RBFOX1: variants seen among roughly 807,000 people sequenced by gnomAD.
The protein encoded by RBFOX1 is RNA binding fox-1 homolog 1, also known as RNA binding protein fox-1 homolog 1.
In RBFOX1, 8 loss-of-function variants were observed where a neutral mutation model predicts 57.7. The ratio of observed to expected loss-of-function variants is 0.14; its 90% CI spans 0.08 to 0.25. The LOEUF is 0.25. RBFOX1 is among the 10% of genes least tolerant of loss of function. The pLI is 1.00. For missense variants in RBFOX1, 611 were observed against 548.5 expected, an observed-to-expected ratio of 1.11 and a Z score of -1.14; for synonymous variants, 326 against 222.4, an observed-to-expected ratio of 1.47 and a Z score of -4.15.
At chr16:6,866,619 G>C (rs2059972635) in intron 3 of RBFOX1, among the ~76,000 whole-genome samples, 1 of 134,050 alleles carries the variant, frequency 7.5e-6, no homozygotes, top group Middle Eastern at 5.0e-3. Flanking sequence ...TCGGCTCACT[G>C]CAAGCTCCGC....
chr16:7,220,772 G>C (rs1053654870), intron 4 of RBFOX1, among the ~76,000 whole-genome samples: 1 of 152,122 alleles, frequency 6.6e-6, no homozygotes, highest in African/African-American at 2.4e-5. Context: ...TGACCTATCA[G>C]GGCTGGCCGT....
At chr16:5,897,777 A>G (rs889535694) in intron 4 of RBFOX1, among the ~76,000 whole-genome samples, 8 of 151,396 alleles carry the variant, frequency 5.3e-5, no homozygotes, top group African/African-American at 1.7e-4. Flanking sequence ...CACATGTAAG[A>G]GCATCTCTCA....
At chr16:5,821,072 C>G (rs1472063982) in intron 3 of RBFOX1, among the ~76,000 whole-genome samples, 1 of 152,102 alleles carries the variant, frequency 6.6e-6, no homozygotes, top group Non-Finnish European at 1.5e-5. Context: ...CCCTGAGGTG[C>G]TCCTACCAGG....
intron 4 of RBFOX1, among the ~76,000 whole-genome samples, chr16:5,970,355 C>T (rs144397626): frequency 9.3e-4 from 141 of 151,992 alleles, no homozygotes; most frequent in African/African-American, 3.2e-3. Context: ...ATATTAAACA[C>T]GTGTTTCTGG....
intron 3 of RBFOX1, among the ~76,000 whole-genome samples, chr16:6,939,054 T>G (rs1034311934): frequency 1.3e-5 from 2 of 152,194 alleles, no homozygotes; most frequent in African/African-American, 4.8e-5. Flanking sequence ...GGAATATCAA[T>G]GCTACCATGG....
At chr16:7,182,998 C>A (rs769392135) in intron 4 of RBFOX1, among the ~76,000 whole-genome samples, 23 of 152,146 alleles carry the variant, frequency 1.5e-4, no homozygotes, top group Non-Finnish European at 2.5e-4. Context: ...AGAGCTAAGC[C>A]TTATTTAGAA....
intron 3 of RBFOX1, among the ~76,000 whole-genome samples, chr16:6,676,024 G>C (rs539056160): frequency 1.3e-5 from 2 of 152,172 alleles, no homozygotes; most frequent in African/African-American, 4.8e-5. Context: ...AAAAGGAAAA[G>C]AGGTCCTCAA....
At position 7,114,000 on chromosome 16, in the gene RBFOX1, A is replaced by G. The variant is rs1203727391; in HGVS notation, c.27+61902A>G. Reference sequence around the variant, plus strand: ...TGCATCGTGAGTGCTTAGTGAATTTATAATTATTTGATCAATAATGAATGT... The same window carrying G: ...TGCATCGTGAGTGCTTAGTGAATTTGTAATTATTTGATCAATAATGAATGT... On this transcript the variant is annotated intron_variant, in intron 4 of 15. Coordinates refer to ENST00000550418, the MANE Select transcript of RBFOX1 (RefSeq NM_018723.4). Among the ~76,000 whole-genome samples the G allele has an allele frequency of 2.0e-5, 3 of 152,328 alleles. No individual in the cohort carries two copies. In the South Asian group the frequency reaches 6.2e-4, roughly 32 times the overall value.
chr16:6,663,705 A>G (rs1045777937), intron 3 of RBFOX1, among the ~76,000 whole-genome samples: 1 of 152,242 alleles, frequency 6.6e-6, no homozygotes, highest in Non-Finnish European at 1.5e-5. Context: ...GCCGTTAGGC[A>G]TATACATTAA....
chr16:7,304,496 C>G lies in RBFOX1; in HGVS notation c.28-213651C>G, dbSNP rs554113619. 6.1e-6 allele frequency: 6 copies of G among 985,286 alleles called. No homozygotes were observed. The African/African-American group carries it at 8.7e-5, about 14-fold the overall frequency. 61.0% of individuals were successfully genotyped at this position (985,286 alleles called of 1,614,324 possible). A position where few individuals can be genotyped will look rare whatever the true frequency, so the allele number is the denominator to read the frequency against. On this transcript the variant is annotated intron_variant, in intron 4 of 15. Transcript: ENST00000550418. Reference sequence around the variant, plus strand: ...ATGTACTTACAGCAGGTAAGGCGCGCGTCTGCCCTCGGTGGCTGCTTTCCT... The same window carrying G: ...ATGTACTTACAGCAGGTAAGGCGCGGGTCTGCCCTCGGTGGCTGCTTTCCT...
chr16:6,543,513 T>G (rs980736812), intron 2 of RBFOX1, among the ~76,000 whole-genome samples: 3 of 152,186 alleles, frequency 2.0e-5, no homozygotes, highest in Non-Finnish European at 2.9e-5. Flanking sequence ...CTGAGATCTT[T>G]CCGCCTGCAT....
At chr16:6,195,940 T>A (rs1235461391) in intron 1 of RBFOX1, among the ~76,000 whole-genome samples, 1 of 152,112 alleles carries the variant, frequency 6.6e-6, no homozygotes, top group Non-Finnish European at 1.5e-5. Flanking sequence ...AGAGCCATGC[T>A]GGGAAATAGA....
chr16:7,425,138 T>C (rs1015020783), intron 4 of RBFOX1, among the ~76,000 whole-genome samples: 2 of 152,334 alleles, frequency 1.3e-5, no homozygotes, highest in Admixed American at 6.5e-5. Context: ...ATAATTTCTT[T>C]TAGACATTTA....
At chr16:5,337,278 G>A (rs2064921713) in intron 1 of RBFOX1, among the ~76,000 whole-genome samples, 2 of 152,288 alleles carry the variant, frequency 1.3e-5, no homozygotes, top group South Asian at 2.1e-4. Context: ...TGTGTATAAG[G>A]CATTTTTGAT....
At chr16:5,720,916 C>G (rs4399537) in intron 3 of RBFOX1, among the ~76,000 whole-genome samples, 83,182 of 152,018 alleles carry the variant, frequency 0.55, 26,426 homozygotes, top group Non-Finnish European at 0.73. Flanking sequence ...TATTCTGAAT[C>G]CCTTGTATTT....
At chr16:6,104,805 A>G (rs975086579) in intron 1 of RBFOX1, among the ~76,000 whole-genome samples, 1 of 152,252 alleles carries the variant, frequency 6.6e-6, no homozygotes, top group Non-Finnish European at 1.5e-5. Context: ...AACATTATGC[A>G]CATATTATGC....
intron 4 of RBFOX1, among the ~76,000 whole-genome samples, chr16:7,355,437 A>G (rs1156574467): frequency 2.0e-5 from 3 of 152,150 alleles, no homozygotes; most frequent in East Asian, 3.9e-4. Flanking sequence ...CAGAGACAAT[A>G]CCTGCTAACG....
chr16:6,630,544 A>C (rs1417424167), intron 2 of RBFOX1, among the ~76,000 whole-genome samples: 1 of 152,160 alleles, frequency 6.6e-6, no homozygotes, highest in Non-Finnish European at 1.5e-5. Flanking sequence ...AGCACTATTC[A>C]TAAGGCCACT....
At chr16:7,387,678 C>G (rs1348998065) in intron 4 of RBFOX1, among the ~76,000 whole-genome samples, 1 of 152,088 alleles carries the variant, frequency 6.6e-6, no homozygotes, top group Non-Finnish European at 1.5e-5. Flanking sequence ...GCTCAGGGTG[C>G]CATTAGGAGT....
Sources: allele counts gnomAD v4.1 joint callset (sites outside exome capture counted in the v4.1 genomes callset), GRCh38; gene constraint gnomAD v4.1.1; transcripts MANE v1.5; gene names NCBI Gene and HGNC (gene_info 2026-07-23, HGNC 2026-07-21).